MSS51: variants seen among roughly 807,000 people sequenced by gnomAD.
MSS51 encodes the protein putative protein MSS51 homolog, mitochondrial.
In MSS51, 32 loss-of-function variants were observed where a neutral mutation model predicts 40.2. The observed-to-expected ratio is 0.80, with a 90% CI of 0.60 to 1.07. MSS51 has a LOEUF of 1.07. MSS51 is among the 50% of genes least tolerant of loss of function. MSS51 has a pLI of 0.00. For synonymous variants in MSS51, 178 were observed against 214.2 expected (o/e 0.83, Z 1.48); for missense variants, 518 against 568.9 (o/e 0.91, Z 0.91).
chr10:73,424,505 A>T lies in MSS51; in HGVS notation c.*48T>A, dbSNP rs1191051935. On this transcript the variant is annotated 3_prime_UTR_variant, in exon 7 of 7. Coordinates refer to ENST00000299432, the MANE Select transcript of MSS51 (RefSeq NM_001024593.2). ...TGCAAGAACCTGGCATTAGCAGGGT[A>T]ATTTCATCACAAACTCCCCGTTTTC... 7.1e-7 allele frequency: 1 copy of T among 1,402,348 alleles called. No individual in the cohort carries two copies. The highest frequency in any genetic ancestry group is 1.0e-6 in the Non-Finnish European group (1 of 988,886). 86.9% of individuals were successfully genotyped at this position (1,402,348 alleles called of 1,614,324 possible).
At chr10:73,427,259 T>C (rs2055995920) in intron 3 of MSS51, among the ~76,000 whole-genome samples, 1 of 149,736 alleles carries the variant, frequency 6.7e-6, no homozygotes, top group South Asian at 2.1e-4. Context: ...GAGGTTGTAG[T>C]AGAAGGTCAT....
chr10:73,430,597 T>TA (rs557580328), intron 1 of MSS51, among the ~76,000 whole-genome samples: 6,977 of 140,644 alleles, frequency 0.05, 450 homozygotes, highest in African/African-American at 0.16. Context: ...ATGGCTATTA[T>TA]AAAAAAAAAA....
rs761274969 is a variant in MSS51 at position 73,428,125 on chromosome 10, CA to C, written c.159del (p.Asn53LysfsTer8). 6.2e-7 allele frequency: 1 copy of C among 1,614,074 alleles called. No individual in the cohort carries two copies. The highest frequency in any genetic ancestry group is 2.2e-5 in the East Asian group (1 of 44,864). Reference protein sequence around the residue: ...DTLGFFSLDDNVPGLSQLILQ... With the variant: ...DTLGFFSLDDXVPGLSQLILQ... ...AGGATCAGCTGCGATAGGCCAGGAA[CA>C]TTATCATCCAAGGAGAAGAAGCCAA... On this transcript the variant is annotated frameshift_variant, in exon 2 of 7. Coordinates refer to ENST00000299432, the MANE Select transcript of MSS51 (RefSeq NM_001024593.2). LOFTEE classifies it high-confidence loss of function.
chr10:73,425,678 A>G (rs1252489340), intron 5 of MSS51, 133 bp downstream of exon 5: 7 of 875,162 alleles, frequency 8.0e-6, no homozygotes, highest in South Asian at 4.3e-5. Context: ...AAAAAAAGAA[A>G]AAAAAAAAAA....
At position 73,426,380 on chromosome 10, in the gene MSS51, G is replaced by A. The variant is rs758075969; in HGVS notation, c.503-3C>T. 57 of 1,599,942 alleles carry A rather than the reference G, an allele frequency of 3.6e-5. No individual in the cohort carries two copies. Among genetic ancestry groups the A allele is most frequent in the Non-Finnish European group, 4.7e-5 (56 of 1,179,092 alleles). ...TCCTGAGGGTAGAACAAAATCACCT[G>A]TAGGAAAGAAGAAATAAGAAGTAAC... On this transcript the variant is annotated splice_region_variant and splice_polypyrimidine_tract_variant and intron_variant, in intron 4 of 6. Coordinates refer to ENST00000299432, the MANE Select transcript of MSS51 (RefSeq NM_001024593.2).
In MSS51 at chr10:73,426,026, T is replaced by C. The variant is rs185011240; in HGVS notation, c.854A>G (p.Glu285Gly). ...TFLTRPGDYDELGYMFPGHLG... is the reference protein window; with the variant it reads ...TFLTRPGDYDGLGYMFPGHLG... ...GTGCCCAGGAAACATGTAACCAAGCTCATCATAGTCCCCTGGGCGAGTAAG... is the reference window on the plus strand; with the variant it reads ...GTGCCCAGGAAACATGTAACCAAGCCCATCATAGTCCCCTGGGCGAGTAAG... The change falls in exon 5 of 7, where the codon GAG becomes GGG. Residue 285 changes from glutamate (E) to glycine (G), a missense_variant. Glu to Gly is a moderately conservative substitution (Grantham distance 98). Coordinates refer to ENST00000299432, the MANE Select transcript of MSS51 (RefSeq NM_001024593.2). 1,054 of 1,614,046 alleles carry C rather than the reference T, an allele frequency of 6.5e-4. 12 individuals are homozygous for C. The highest frequency in any genetic ancestry group is 8.4e-5 in the Non-Finnish European group (99 of 1,180,012).
intron 2 of MSS51, 146 bp from the exon 3 acceptor site, chr10:73,427,914 C>T: frequency 8.2e-7 from 1 of 1,212,244 alleles, no homozygotes; most frequent in Non-Finnish European, 1.1e-6. Context: ...AATGTTTCTT[C>T]TTTTATAGTA....
At chr10:73,424,870 CA>C in intron 6 of MSS51, 98 bp from the exon 7 acceptor site, 1 of 1,045,710 alleles carries the variant, frequency 9.6e-7, no homozygotes, top group Non-Finnish European at 1.5e-6. Flanking sequence ...ACCCATCCCC[CA>C]AATTGCCTAA....
rs189379807 is a variant in MSS51 at position 73,427,624 on chromosome 10, C to T, written c.366G>A (p.Arg122=). ...PSGLSDSKVL[R]HCKRCRNVYY... is the part of the protein sequence containing the mutation. ...CCCCAACAAGTCACCTCTTACAGTG[C>T]CGGAGAACCTTGGAGTCTGAAAGCC... Residue 122 remains arginine, a synonymous_variant, in exon 3 of 7, where the codon CGG becomes CGA. Coordinates refer to ENST00000299432, the MANE Select transcript of MSS51 (RefSeq NM_001024593.2). 2.6e-4 allele frequency: 414 copies of T among 1,611,316 alleles called. 2 individuals are homozygous for T. The highest frequency in any genetic ancestry group is 3.5e-4 in the Admixed American group (21 of 59,836).
chr10:73,431,988 C>T (rs2056032297), intron 1 of MSS51, among the ~76,000 whole-genome samples: 1 of 152,110 alleles, frequency 6.6e-6, no homozygotes, highest in Non-Finnish European at 1.5e-5. Flanking sequence ...TGCCATTCTA[C>T]AAAAAGCATT....
In MSS51 at chr10:73,426,058, C is replaced by T; in HGVS notation, c.822G>A (p.Glu274=). 6.2e-7 allele frequency: 1 copy of T among 1,614,226 alleles called. No individual in the cohort carries two copies. Among genetic ancestry groups the T allele is most frequent in the Non-Finnish European group, 8.5e-7 (1 of 1,180,042 alleles). ...AGTCCCCTGGGCGAGTAAGAAATGT[C>T]TCCACATGGGAAGCACCAACCACAT... ...TVHVVGASHV[E]TFLTRPGDYD... The change falls in exon 5 of 7, where the codon GAG becomes GAA. Residue 274 remains glutamate (E), a synonymous_variant. Coordinates refer to ENST00000299432, the MANE Select transcript of MSS51 (RefSeq NM_001024593.2).
chr10:73,426,773 G>A, intron 3 of MSS51, 42 bp from the exon 4 acceptor site: 2 of 1,603,890 alleles, frequency 1.2e-6, no homozygotes, highest in Admixed American at 3.4e-5. Context: ...CTATAAATAT[G>A]ATTGGGGTTA....
rs113568690 is a variant in MSS51, at chr10:73,424,324, T to C, written c.*229A>G. 9,730 of 463,448 alleles carry C rather than the reference T, an allele frequency of 0.021. 617 individuals carry two copies. The highest frequency in any genetic ancestry group is 0.15 in the African/African-American group (7,698 of 50,614). 28.7% of individuals were successfully genotyped at this position (463,448 alleles called of 1,614,324 possible). On this transcript the variant is annotated 3_prime_UTR_variant, in exon 7 of 7. Coordinates refer to ENST00000299432, the MANE Select transcript of MSS51 (RefSeq NM_001024593.2). ...CCCAGGAGGCGGAGGCTGCAGTGAG[T>C]CGAGATCATGCCGCTGCACTCCAGC...
chr10:73,428,635 G>A (rs7901811), intron 1 of MSS51, among the ~76,000 whole-genome samples: 7,066 of 151,794 alleles, frequency 0.047, 504 homozygotes, highest in African/African-American at 0.15. Context: ...ACGGGCAGGC[G>A]CCACCAGGCC....
intron 1 of MSS51, among the ~76,000 whole-genome samples, chr10:73,430,825 C>G (rs550512187): frequency 6.6e-6 from 1 of 152,240 alleles, no homozygotes; most frequent in African/African-American, 2.4e-5. Flanking sequence ...TGTGAATGTT[C>G]ATAGCAGCAC....
Position 73,426,156 on chromosome 10 carries a change from G to T in MSS51, c.724C>A (p.Arg242=), listed in dbSNP as rs377111967. The T allele has an allele frequency of 6.2e-7, 1 of 1,614,190 alleles. No homozygotes were observed. ...AGTCCTAGGCCTAGAGTCAAGGGCC[G>T]TGACAGGACATCTGTCAGCAGCCGC... ...LKRLLTDVLS[R]PLTLGLGLRA... The change falls in exon 5 of 7, where the codon CGG becomes AGG. Residue 242 remains arginine, a synonymous_variant. Coordinates refer to ENST00000299432, the MANE Select transcript of MSS51 (RefSeq NM_001024593.2).
At chr10:73,427,261 G>A (rs888117511) in intron 3 of MSS51, among the ~76,000 whole-genome samples, 2 of 145,750 alleles carry the variant, frequency 1.4e-5, no homozygotes, top group Non-Finnish European at 3.0e-5. Context: ...GGTTGTAGTA[G>A]AAGGTCATTG....
chr10:73,427,925 A>C (rs1229529403), intron 2 of MSS51, 139 bp downstream of exon 2: 1 of 1,193,834 alleles, frequency 8.4e-7, no homozygotes, highest in East Asian at 2.5e-5. Context: ...TTTTATAGTA[A>C]TATAGTAACT....
intron 1 of MSS51, chr10:73,429,645 G>A (rs1351301348): frequency 2.2e-6 from 1 of 456,488 alleles, no homozygotes; most frequent in Admixed American, 2.4e-5. Flanking sequence ...ACTCTGTGCT[G>A]TCCTCTTTCC....
Sources: gnomAD v4.1 joint callset for allele counts (sites outside exome capture counted in the v4.1 genomes callset) on GRCh38, gnomAD v4.1.1 for gene constraint, MANE v1.5 for transcripts, NCBI Gene and HGNC (gene_info 2026-07-23, HGNC 2026-07-21) for gene names.